Variants in TACC1 observed in about 807,000 individuals in gnomAD.
The protein encoded by TACC1 is transforming acidic coiled-coil-containing protein 1.
A neutral mutation model predicts 84.4 loss-of-function variants in TACC1; 48 were observed. The observed-to-expected ratio is 0.57, with a 90% confidence interval of 0.45 to 0.72. TACC1 has a LOEUF of 0.72. Among genes scored for constraint, TACC1 ranks in the 30% least tolerant of loss-of-function variants. The probability of loss-of-function intolerance (pLI) is 0.00; values close to 1 mark genes in which losing one functional copy is unlikely to be tolerated. For missense variants in TACC1, 920 were observed against 973.0 expected, an observed-to-expected ratio of 0.95 and a Z score of 0.72; for synonymous variants, 372 against 376.3, an observed-to-expected ratio of 0.99 and a Z score of 0.13.
intron 5 of TACC1, among the ~76,000 whole-genome samples, chr8:38,828,319 A>G (rs1468611237): frequency 2.0e-5 from 3 of 152,214 alleles, no homozygotes; most frequent in Admixed American, 2.0e-4. Context: ...GGTAGGACAG[A>G]AAAGTGGTAT....
intron 6 of TACC1, 99 bp downstream of exon 6, chr8:38,831,276 G>A: frequency 8.3e-7 from 1 of 1,200,626 alleles, no homozygotes; most frequent in Non-Finnish European, 1.2e-6. Flanking sequence ...AGTGTTAGGT[G>A]ATGAGGATAA....
rs761127382 is a variant in TACC1 at position 38,820,133 on chromosome 8, A to C, written c.889A>C (p.Thr297Pro). 1.2e-6 allele frequency: 2 copies of C among 1,613,876 alleles called. No homozygotes were observed. Among genetic ancestry groups the C allele is most frequent in the Admixed American group, 3.3e-5 (2 of 59,984 alleles). Reference protein sequence around the residue: ...SPPDLKETPGTLSSDTNDSGV... With the variant: ...SPPDLKETPGPLSSDTNDSGV... ...CCCTGACCTTAAAGAAACTCCCGGC[A>C]CTCTCAGTAGTGACACCAACGACTC... Residue 297 changes from threonine to proline, a missense_variant, in exon 3 of 13, where the codon ACT becomes CCT. Transcript: ENST00000317827.
chr8:38,839,559 G>A (rs182864684), intron 8 of TACC1: 95 of 312,098 alleles, frequency 3.0e-4, no homozygotes, highest in Non-Finnish European at 5.3e-5. Context: ...CTTAGAGAGC[G>A]GTAGCCATCC....
At chr8:38,760,897 T>G (rs1811087163) in intron 3 of TACC1, among the ~76,000 whole-genome samples, 1 of 151,680 alleles carries the variant, frequency 6.6e-6, no homozygotes, top group Non-Finnish European at 1.5e-5. Context: ...TACGTAGTTA[T>G]TATGAACACA....
chr8:38,836,914 A>C (rs1449585214), intron 7 of TACC1, among the ~76,000 whole-genome samples: 1 of 152,034 alleles, frequency 6.6e-6, no homozygotes, highest in African/African-American at 2.4e-5. Context: ...AAGGTGTGGC[A>C]ATTTTATTTT....
intron 3 of TACC1, among the ~76,000 whole-genome samples, chr8:38,756,732 G>A (rs189704487): frequency 7.2e-5 from 11 of 152,346 alleles, no homozygotes; most frequent in African/African-American, 2.6e-4. Context: ...GCTAGTTGGA[G>A]GCATAACCAG....
At chr8:38,846,088 C>T (rs1392294648) in intron 11 of TACC1, 6 of 150,934 alleles carry the variant, frequency 4.0e-5, no homozygotes, top group South Asian at 2.1e-4. Flanking sequence ...GTCAGGAGAT[C>T]GAGACCACGG....
chr8:38,744,664 G>A (rs184838175), intron 2 of TACC1, among the ~76,000 whole-genome samples: 39 of 152,128 alleles, frequency 2.6e-4, no homozygotes, highest in African/African-American at 9.4e-4. Context: ...TGCCCCCATT[G>A]CTCAATTCCT....
At chr8:38,783,020 G>C (rs1372970865), upstream of TACC1, among the ~76,000 whole-genome samples, 1 of 151,592 alleles carries the variant, frequency 6.6e-6, no homozygotes, top group Non-Finnish European at 1.5e-5. Flanking sequence ...ATGGGAATGA[G>C]AGAATCTCAC....
At position 38,842,449 on chromosome 8, in the gene TACC1, TAG is replaced by T; in HGVS notation, c.2121+5_2121+6del. ...GGTGTTCTGGAAGGGTTCAAGAAGG[TAG>T]AGTGTTTTTTCCCTCTGTCTCCTGG... On this transcript the variant is annotated splice_donor_region_variant and intron_variant, in intron 10 of 12. Coordinates refer to ENST00000317827, the MANE Select transcript of TACC1 (RefSeq NM_006283.3). 1.2e-6 allele frequency: 2 copies of T among 1,601,512 alleles called. No individual in the cohort carries two copies. The highest frequency in any genetic ancestry group is 2.3e-5 in the South Asian group (2 of 88,778).
At chr8:38,743,367 G>A (rs1807458436) in intron 2 of TACC1, among the ~76,000 whole-genome samples, 1 of 152,174 alleles carries the variant, frequency 6.6e-6, no homozygotes, top group African/African-American at 2.4e-5. Flanking sequence ...GAAACATTCT[G>A]CCAGAAGAAA....
intron 2 of TACC1, among the ~76,000 whole-genome samples, chr8:38,799,074 C>T (rs1820711704): frequency 6.6e-6 from 1 of 152,220 alleles, no homozygotes; most frequent in Non-Finnish European, 1.5e-5. Flanking sequence ...GGGCAGACCA[C>T]TTGAGCAGAA....
In TACC1 at chr8:38,840,377, T is replaced by C. The variant is rs778402037; in HGVS notation, c.1960+110T>C. 2.0e-5 allele frequency: 19 copies of C among 960,326 alleles called. No individual in the cohort carries two copies. The South Asian group carries it at 2.4e-4, about 12-fold the overall frequency. The allele number at this position is 960,326 out of a possible 1,614,324, so 59.5% of individuals were successfully genotyped here. On this transcript the variant is annotated intron_variant, in intron 9 of 12. Coordinates refer to ENST00000317827, the MANE Select transcript of TACC1 (RefSeq NM_006283.3). ...CTAGGTAGCTTATAAACAACAAACA[T>C]TTTTCATAGCTCTGGAGACAGGAGA...
At chr8:38,753,594 G>T (rs1809423056) in intron 3 of TACC1, among the ~76,000 whole-genome samples, 1 of 152,206 alleles carries the variant, frequency 6.6e-6, no homozygotes, top group African/African-American at 2.4e-5. Flanking sequence ...GGTAAGATGT[G>T]TCTGGGGATC....
upstream of TACC1, among the ~76,000 whole-genome samples, chr8:38,787,051 C>G (rs566490690): frequency 1.5e-3 from 226 of 151,830 alleles, 1 homozygote; most frequent in African/African-American, 5.2e-3. Flanking sequence ...CAAGCCCCGG[C>G]CCTCAGTCGG....
chr8:38,748,263 CAT>C (rs1263889041), intron 3 of TACC1, among the ~76,000 whole-genome samples: 2 of 151,930 alleles, frequency 1.3e-5, no homozygotes, highest in Non-Finnish European at 2.9e-5. Context: ...ATCAAGATGA[CAT>C]AAAATTTACA....
At chr8:38,833,404 G>T (rs768819207) in intron 6 of TACC1, among the ~76,000 whole-genome samples, 2 of 152,186 alleles carry the variant, frequency 1.3e-5, no homozygotes, top group Non-Finnish European at 2.9e-5. Flanking sequence ...AATCCTAGGA[G>T]ACTGGAAAAG....
At chr8:38,756,099 C>A (rs1282402391) in intron 3 of TACC1, among the ~76,000 whole-genome samples, 4 of 151,936 alleles carry the variant, frequency 2.6e-5, no homozygotes, top group Non-Finnish European at 5.9e-5. Flanking sequence ...CAGGTGTGAG[C>A]CACCGCGCCC....
chr8:38,764,911 C>T (rs941891737), intron 3 of TACC1, among the ~76,000 whole-genome samples: 12 of 152,232 alleles, frequency 7.9e-5, no homozygotes, highest in African/African-American at 2.4e-4. Flanking sequence ...CCAGCCTGGC[C>T]GACGTTGCGA....
Sources: allele counts gnomAD v4.1 joint callset (sites outside exome capture counted in the v4.1 genomes callset), GRCh38; gene constraint gnomAD v4.1.1; transcripts MANE v1.5; gene names NCBI Gene and HGNC (gene_info 2026-07-23, HGNC 2026-07-21).